AMPH: variants seen among roughly 807,000 people sequenced by gnomAD.
AMPH encodes the protein amphiphysin (Stiff-Mann syndrome with breast cancer 128kD autoantigen).
A neutral mutation model predicts 99.1 loss-of-function variants in AMPH; 49 were observed. That is an observed-to-expected ratio of 0.49 (90% CI 0.39 to 0.63). The LOEUF (loss-of-function observed/expected upper bound fraction) is 0.63, where lower values mean the gene tolerates loss of function less well. Ranked by LOEUF, AMPH falls within the 20% of genes least tolerant of loss-of-function variation. The pLI is 0.00. For synonymous variants in AMPH, 314 were observed against 317.3 expected (o/e 0.99, Z 0.11); for missense variants, 759 against 863.4 (o/e 0.88, Z 1.52).
At chr7:38,547,952 G>A (rs879781707) in intron 1 of AMPH, among the ~76,000 whole-genome samples, 1 of 152,000 alleles carries the variant, frequency 6.6e-6, no homozygotes, top group Admixed American at 6.6e-5. Flanking sequence ...ATACGCATTT[G>A]TCTCATGTGA....
At chr7:38,496,120 G>A (rs1336844519) in intron 3 of AMPH, among the ~76,000 whole-genome samples, 1 of 152,284 alleles carries the variant, frequency 6.6e-6, no homozygotes, top group Middle Eastern at 3.4e-3. Flanking sequence ...GCACTGTCAT[G>A]AGAAATAAAA....
At chr7:38,561,460 T>C (rs1385079769) in intron 1 of AMPH, among the ~76,000 whole-genome samples, 1 of 152,238 alleles carries the variant, frequency 6.6e-6, no homozygotes, top group Non-Finnish European at 1.5e-5. Flanking sequence ...TGTCAAGCAT[T>C]GTGCTAGGCA....
At chr7:38,431,594 T>G (rs4723752) in intron 13 of AMPH, among the ~76,000 whole-genome samples, 112,933 of 150,868 alleles carry the variant, frequency 0.75, 43,142 homozygotes, top group Non-Finnish European at 0.84. Flanking sequence ...AGGCGGAGCT[T>G]GCAGTGAGCC....
intron 20 of AMPH, among the ~76,000 whole-genome samples, chr7:38,385,543 T>C (rs923367375): frequency 6.6e-6 from 1 of 152,240 alleles, no homozygotes; most frequent in Admixed American, 6.5e-5. Context: ...TATATTACTA[T>C]TTTTGTTTTT....
intron 2 of AMPH, among the ~76,000 whole-genome samples, chr7:38,532,775 G>T (rs145393224): frequency 1.3e-5 from 2 of 151,102 alleles, no homozygotes; most frequent in African/African-American, 2.4e-5. Context: ...CACTGTAATC[G>T]GAAAATGCAA....
intron 2 of AMPH, among the ~76,000 whole-genome samples, chr7:38,512,909 A>AC (rs1220386125): frequency 6.6e-6 from 1 of 152,242 alleles, no homozygotes; most frequent in Non-Finnish European, 1.5e-5. Context: ...GGACAGCAAC[A>AC]CCCTACAATT....
intron 1 of AMPH, among the ~76,000 whole-genome samples, chr7:38,568,884 T>G (rs111324361): frequency 5.9e-5 from 9 of 152,166 alleles, no homozygotes; most frequent in African/African-American, 2.2e-4. Flanking sequence ...CATGTAAGAA[T>G]TGCCCAAAGG....
chr7:38,472,337 C>G (rs930096629), intron 7 of AMPH, among the ~76,000 whole-genome samples: 4 of 152,006 alleles, frequency 2.6e-5, no homozygotes, highest in African/African-American at 9.7e-5. Flanking sequence ...TGACTAAATG[C>G]AATCTCATTT....
intron 1 of AMPH, among the ~76,000 whole-genome samples, chr7:38,611,504 C>A (rs1229650955): frequency 6.6e-6 from 1 of 152,174 alleles, no homozygotes; most frequent in Non-Finnish European, 1.5e-5. Context: ...ACGTAAACAT[C>A]TCTTATCTGG....
At chr7:38,499,820 G>A (rs533546273) in intron 3 of AMPH, among the ~76,000 whole-genome samples, 7 of 152,248 alleles carry the variant, frequency 4.6e-5, no homozygotes, top group Non-Finnish European at 8.8e-5. Context: ...TCATGCGGGC[G>A]GGTTTCTCCC....
chr7:38,591,481 T>C (rs185362436), intron 1 of AMPH, among the ~76,000 whole-genome samples: 4 of 152,160 alleles, frequency 2.6e-5, no homozygotes, highest in Non-Finnish European at 5.9e-5. Flanking sequence ...AAGATGAGGT[T>C]TTACCATGTT....
intron 17 of AMPH, among the ~76,000 whole-genome samples, chr7:38,417,331 T>C (rs1385584490): frequency 6.6e-6 from 1 of 152,208 alleles, no homozygotes; most frequent in Non-Finnish European, 1.5e-5. Flanking sequence ...GCAGACTTAA[T>C]TGTGAGCAAA....
intron 3 of AMPH, among the ~76,000 whole-genome samples, chr7:38,499,779 T>C (rs1443735766): frequency 6.6e-6 from 1 of 152,190 alleles, no homozygotes; most frequent in Non-Finnish European, 1.5e-5. Context: ...TCTCCATGTG[T>C]TGTGGGAGGG....
chr7:38,519,183 T>C (rs1226322807), intron 2 of AMPH, among the ~76,000 whole-genome samples: 1 of 152,246 alleles, frequency 6.6e-6, no homozygotes, highest in African/African-American at 2.4e-5. Flanking sequence ...CCTCCAGAAC[T>C]GTGAGAAATG....
chr7:38,483,171 C>T (rs933736009), intron 5 of AMPH, among the ~76,000 whole-genome samples: 1 of 152,092 alleles, frequency 6.6e-6, no homozygotes, highest in Non-Finnish European at 1.5e-5. Context: ...CAAGGGAGTG[C>T]CTTCTACTTG....
chr7:38,572,381 G>A (rs182006540), intron 1 of AMPH, among the ~76,000 whole-genome samples: 1 of 152,246 alleles, frequency 6.6e-6, no homozygotes, highest in Admixed American at 6.5e-5. Flanking sequence ...TGTACAGTAG[G>A]TGCTACCATC....
At chr7:38,564,820 C>T (rs189180978) in intron 1 of AMPH, among the ~76,000 whole-genome samples, 7 of 152,196 alleles carry the variant, frequency 4.6e-5, no homozygotes, top group African/African-American at 1.4e-4. Flanking sequence ...TCTATAAATG[C>T]ATACCATAAA....
At chr7:38,401,483 G>A (rs1211026724) in intron 17 of AMPH, among the ~76,000 whole-genome samples, 1 of 152,112 alleles carries the variant, frequency 6.6e-6, no homozygotes, top group Non-Finnish European at 1.5e-5. Context: ...ATGCTTTTTA[G>A]GAATTCTATG....
chr7:38,488,282 C>T (rs914037975), intron 5 of AMPH, among the ~76,000 whole-genome samples: 25 of 152,222 alleles, frequency 1.6e-4, no homozygotes, highest in African/African-American at 5.8e-4. Context: ...CCCAAATGCC[C>T]ATCAATGATA....
Sources: gnomAD v4.1 joint callset for allele counts (sites outside exome capture counted in the v4.1 genomes callset) on GRCh38, gnomAD v4.1.1 for gene constraint, MANE v1.5 for transcripts, NCBI Gene and HGNC (gene_info 2026-07-23, HGNC 2026-07-21) for gene names.